Variants in BAZ2A observed in about 807,000 individuals in gnomAD.
BAZ2A encodes the protein bromodomain adjacent to zinc finger domain protein 2A.
Under a neutral mutation model 199.9 loss-of-function variants are expected in BAZ2A, and 34 were observed. That is an observed-to-expected ratio of 0.17 (90% CI 0.13 to 0.23). BAZ2A has a LOEUF of 0.23. Among genes scored for constraint, BAZ2A ranks in the 10% least tolerant of loss-of-function variants. BAZ2A has a pLI of 1.00. For synonymous variants in BAZ2A, 857 were observed against 883.9 expected, an observed-to-expected ratio of 0.97 and a Z score of 0.54; for missense variants, 2,002 against 2,391.1, an observed-to-expected ratio of 0.84 and a Z score of 3.39.
chr12:56,610,364 T>A, intron 8 of BAZ2A, 45 bp downstream of exon 8: 1 of 1,597,322 alleles, frequency 6.3e-7, no homozygotes, highest in South Asian at 1.1e-5. Context: ...TGGAAAGGAG[T>A]CCACTGAGCC....
At chr12:56,625,522 T>C (rs1951060984) in intron 1 of BAZ2A, among the ~76,000 whole-genome samples, 2 of 151,884 alleles carry the variant, frequency 1.3e-5, no homozygotes, top group Non-Finnish European at 2.9e-5. Context: ...AGCAGGCAGG[T>C]TAAGGACCCC....
At position 56,602,868 on chromosome 12, in the gene BAZ2A, A is replaced by C. The variant is rs1224114073; in HGVS notation, c.3280-11T>G. ...AAAGAAAAGCTGACGCTGGGTAGAC[A>C]ATGAAAATGAAGATGAATAAACACA... On this transcript the variant is annotated splice_polypyrimidine_tract_variant and intron_variant, in intron 18 of 28. Transcript: ENST00000549884. 8.1e-6 allele frequency: 13 copies of C among 1,603,570 alleles called. No individual in the cohort carries two copies. The highest frequency in any genetic ancestry group is 8.5e-7 in the Non-Finnish European group (1 of 1,173,536).
At chr12:56,638,228 T>TA, upstream of BAZ2A, 1 of 990,484 alleles carries the variant, frequency 1.0e-6, no homozygotes, top group Non-Finnish European at 1.5e-6. Context: ...AGAAAGAATA[T>TA]ATCTTCAATC....
At position 56,628,665 on chromosome 12, in the gene BAZ2A, G is replaced by T. The variant is rs185495223; in HGVS notation, c.-3+1460C>A. 3.9e-5 allele frequency among the ~76,000 whole-genome samples: 6 copies of T among 152,232 alleles called. No individual in the cohort carries two copies. In the East Asian group the frequency reaches 1.2e-3, roughly 29 times the overall value. On this transcript the variant is annotated intron_variant, in intron 1 of 28. Coordinates refer to ENST00000549884, the MANE Select transcript of BAZ2A (RefSeq NM_001300905.2). ...CCCCGACACACAAATCCATCTAATA[G>T]TTAAATCTTCCTCACCCCTTCCTCT...
intron 4 of BAZ2A, among the ~76,000 whole-genome samples, chr12:56,613,553 A>G (rs913777324): frequency 6.6e-6 from 1 of 152,230 alleles, no homozygotes; most frequent in African/African-American, 2.4e-5. Context: ...TTATCTACCC[A>G]GAGACCTATG....
intron 1 of BAZ2A, among the ~76,000 whole-genome samples, chr12:56,626,612 C>T (rs1039971010): frequency 6.6e-6 from 1 of 152,280 alleles, no homozygotes; most frequent in East Asian, 1.9e-4. Context: ...ATATATTTCT[C>T]TGACAGAAAA....
Position 56,613,228 on chromosome 12 carries a change from C to A in BAZ2A, c.922G>T (p.Val308Leu), listed in dbSNP as rs759556926. The change falls in exon 5 of 29, where the codon GTG becomes TTG. Residue 308 changes from valine (V) to leucine (L), a missense_variant. By Grantham distance (32) the Val-to-Leu change is conservative (BLOSUM62 1). This residue lies in a region of BAZ2A where 641 missense variants were observed against 694.5 expected (regional missense o/e 0.92). Coordinates refer to ENST00000549884, the MANE Select transcript of BAZ2A (RefSeq NM_001300905.2). ...EPFNSLAPEP[V>L]SGGLYGIDDT... Reference sequence around the variant, plus strand: ...TCAATACCATATAGTCCTCCACTCACTGGCTCTGTTTACAAGGGTAGAAAA... The same window carrying A: ...TCAATACCATATAGTCCTCCACTCAATGGCTCTGTTTACAAGGGTAGAAAA... 1 of 1,613,918 alleles carries A rather than the reference C, an allele frequency of 6.2e-7. No homozygotes were observed. Among genetic ancestry groups the A allele is most frequent in the Non-Finnish European group, 8.5e-7 (1 of 1,179,808 alleles).
intron 8 of BAZ2A, 48 bp from the exon 9 acceptor site, chr12:56,610,263 G>A: frequency 6.2e-7 from 1 of 1,604,664 alleles, no homozygotes; most frequent in African/African-American, 1.3e-5. Context: ...ATCCTACCAT[G>A]TCTTTGGCCA....
chr12:56,611,842 T>G lies in BAZ2A; in HGVS notation c.1540A>C (p.Ser514Arg). 7 of 1,592,432 alleles carry G rather than the reference T, an allele frequency of 4.4e-6. No individual in the cohort carries two copies. The highest frequency in any genetic ancestry group is 6.0e-6 in the Non-Finnish European group (7 of 1,168,396). The change falls in exon 6 of 29, where the codon AGC becomes CGC. Residue 514 changes from serine (S) to arginine (R), a missense_variant. By Grantham distance (110) the Ser-to-Arg change is moderately radical. Transcript: ENST00000549884. The stretch of plus-strand genomic sequence containing the variant: ...TCAGCAGTGGTTTCTAGAAAGCTGC[T>G]GACATCCTTATTTGCTGGGGAGGCT... ...PTASPANKDV[S>R]SFLETTADVE... is the part of the protein sequence containing the mutation.
At position 56,601,352 on chromosome 12, in the gene BAZ2A, G is replaced by A. The variant is rs746361990; in HGVS notation, c.4122C>T (p.Ser1374=). 6.2e-7 allele frequency: 1 copy of A among 1,613,986 alleles called. No individual in the cohort carries two copies. Among genetic ancestry groups the A allele is most frequent in the East Asian group, 2.2e-5 (1 of 44,884 alleles). The change falls in exon 21 of 29, where the codon TCC becomes TCT. Residue 1374 remains serine, a synonymous_variant. Coordinates refer to ENST00000549884, the MANE Select transcript of BAZ2A (RefSeq NM_001300905.2). The stretch of plus-strand genomic sequence containing the variant: ...TAGGGGCCAACCCAGCCAAGGGCGT[G>A]GAAGAGAACTGCACTGGAGAACAAG... The part of the protein sequence containing the change: ...ANPCSPVQFS[S]TPLAGLAPKR...
chr12:56,605,344 G>T lies in BAZ2A; in HGVS notation c.2494-17C>A. ...AGGCAGGGGCTAGAGAGAGAAAAGT[G>T]AGTAGAGAGTTCTGTTAAACATAAC... On this transcript the variant is annotated splice_polypyrimidine_tract_variant and intron_variant, in intron 13 of 28. Transcript: ENST00000549884. 6.3e-7 allele frequency: 1 copy of T among 1,592,122 alleles called. No individual in the cohort carries two copies. The highest frequency in any genetic ancestry group is 1.1e-5 in the South Asian group (1 of 89,346).
At chr12:56,629,198 G>A (rs537068936) in intron 1 of BAZ2A, among the ~76,000 whole-genome samples, 2 of 152,302 alleles carry the variant, frequency 1.3e-5, no homozygotes, top group African/African-American at 4.8e-5. Flanking sequence ...ACTTCCTGCG[G>A]GAGGCTGGGG....
chr12:56,624,378 G>A (rs1000952932), intron 1 of BAZ2A, among the ~76,000 whole-genome samples: 1 of 152,182 alleles, frequency 6.6e-6, no homozygotes, highest in Non-Finnish European at 1.5e-5. Context: ...ATTCAAAGAT[G>A]ACTGTTCTCT....
At position 56,596,064 on chromosome 12, in the gene BAZ2A, G is replaced by A. The variant is rs1338701904; in HGVS notation, c.*2554C>T. On this transcript the variant is annotated 3_prime_UTR_variant, in exon 29 of 29. Coordinates refer to ENST00000549884, the MANE Select transcript of BAZ2A (RefSeq NM_001300905.2). ...TTTTCTTTTTAACCTTATTAAAAAT[G>A]AGATTGGTCCTAAAAATATAGAAAG... The A allele has an allele frequency of 6.6e-6, 1 of 152,660 alleles. No homozygotes were observed. Among genetic ancestry groups the A allele is most frequent in the African/African-American group, 2.4e-5 (1 of 41,454 alleles). The allele number at this position is 152,660 out of a possible 1,614,324, so 9.5% of individuals were successfully genotyped here.
chr12:56,605,470 G>A, intron 13 of BAZ2A, 143 bp from the exon 14 acceptor site: 1 of 898,404 alleles, frequency 1.1e-6, no homozygotes, highest in Non-Finnish European at 1.6e-6. Flanking sequence ...CACCCAAGCT[G>A]GAGTGCAGTG....
At position 56,603,636 on chromosome 12, in the gene BAZ2A, A is replaced by G. The variant is rs374255148; in HGVS notation, c.3103T>C (p.Cys1035Arg). The G allele has an allele frequency of 1.4e-4, 230 of 1,613,904 alleles. No homozygotes were observed. The East Asian group carries it at 3.7e-3, about 26-fold the overall frequency. The change falls in exon 17 of 29, where the codon TGC becomes CGC. Residue 1035 changes from cysteine (C) to arginine (R), a missense_variant. By Grantham distance (180) the Cys-to-Arg change is radical. Transcript: ENST00000549884. ...CGAGAACTGCGCCTCCGTCCCAGGCATTCCTCTGGCCCTTCCATCTCTACT... is the reference window on the plus strand; with the variant it reads ...CGAGAACTGCGCCTCCGTCCCAGGCGTTCCTCTGGCCCTTCCATCTCTACT... ...SEVEMEGPEE[C>R]LGRRRSSRIM...
Position 56,611,884 on chromosome 12 carries a change from C to A in BAZ2A, c.1498G>T (p.Ala500Ser). The change falls in exon 6 of 29, where the codon GCA becomes TCA. Residue 500 changes from alanine to serine, a missense_variant. Ala to Ser is a moderately conservative substitution (Grantham distance 99). Coordinates refer to ENST00000549884, the MANE Select transcript of BAZ2A (RefSeq NM_001300905.2). ...GGGGAGGCTGTTGGAAAGGCAGCTG[C>A]TGGGGAAGTTACGGGAGAGGCTTTT... ...SPKASPVTSP[A>S]AAFPTASPAN... is the part of the protein sequence containing the mutation. 6.2e-7 allele frequency: 1 copy of A among 1,605,848 alleles called. No individual in the cohort carries two copies. The highest frequency in any genetic ancestry group is 8.5e-7 in the Non-Finnish European group (1 of 1,175,016).
At chr12:56,636,382 G>A (rs572586071), upstream of BAZ2A, 173 of 1,396,474 alleles carry the variant, frequency 1.2e-4, no homozygotes, top group Non-Finnish European at 1.6e-4. Flanking sequence ...GACAGACTGG[G>A]GTGGGGAGGG....
chr12:56,611,901 G>C lies in BAZ2A; in HGVS notation c.1481C>G (p.Ser494Cys). Residue 494 changes from serine (S) to cysteine (C), a missense_variant, in exon 6 of 29, where the codon TCT becomes TGT. Ser to Cys is a moderately radical substitution (Grantham distance 112, BLOSUM62 -1). Coordinates refer to ENST00000549884, the MANE Select transcript of BAZ2A (RefSeq NM_001300905.2). ...GGCAGCTGCTGGGGAAGTTACGGGA[G>C]AGGCTTTTGGGGATGTCACTGAAGC... ...LTASVTSPKA[S>C]PVTSPAAAFP... 1 of 1,609,104 alleles carries C rather than the reference G, an allele frequency of 6.2e-7. No individual in the cohort carries two copies. The highest frequency in any genetic ancestry group is 2.2e-5 in the East Asian group (1 of 44,822).
Sources: gnomAD v4.1 joint callset for allele counts (sites outside exome capture counted in the v4.1 genomes callset) on GRCh38, gnomAD v4.1.1 for gene constraint, gnomAD v4.1.1 regional missense constraint, MANE v1.5 for transcripts, NCBI Gene and HGNC (gene_info 2026-07-23, HGNC 2026-07-21) for gene names.